The following CCNK variants were observed in gnomAD, a reference collection of about 807,000 sequenced individuals.
CCNK encodes cyclin-K.
CCNK carries 9 observed loss-of-function variants against 65.0 expected under a neutral mutation model. The observed-to-expected ratio is 0.14, with a 90% CI of 0.08 to 0.24. The LOEUF (loss-of-function observed/expected upper bound fraction) is 0.24. CCNK is among the 10% of genes least tolerant of loss of function. CCNK has a pLI of 1.00. For missense variants in CCNK, 474 were observed against 720.0 expected, an observed-to-expected ratio of 0.66 and a Z score of 3.91; for synonymous variants, 279 against 270.8, an observed-to-expected ratio of 1.03 and a Z score of -0.30.
At chr14:99,493,818 G>A (rs1023695038) in intron 3 of CCNK, among the ~76,000 whole-genome samples, 1 of 151,942 alleles carries the variant, frequency 6.6e-6, no homozygotes, top group Non-Finnish European at 1.5e-5. Context: ...GTCATATTGC[G>A]CTTTGTATGA....
rs960376783 is a variant in CCNK, at chr14:99,493,082, G to T, written c.197+208G>T. 9.3e-6 allele frequency: 5 copies of T among 538,494 alleles called. No homozygotes were observed. In the African/African-American group the frequency reaches 9.8e-5, roughly 11 times the overall value. The allele number at this position is 538,494 out of a possible 1,614,324, so 33.4% of individuals were successfully genotyped here. A position where few individuals can be genotyped will look rare whatever the true frequency, so the allele number is the denominator to read the frequency against. The stretch of plus-strand genomic sequence containing the variant: ...GACTTAGCCACTGAGGAGGTGGCCA[G>T]CCAGGAGGATATGAGGCACCCATTA... On this transcript the variant is annotated intron_variant, in intron 2 of 10. Transcript: ENST00000389879.
intron 9 of CCNK, chr14:99,506,823 G>T (rs1896987460): frequency 2.2e-6 from 1 of 464,644 alleles, no homozygotes; most frequent in Non-Finnish European, 4.0e-6. Context: ...GGTCAGCAAG[G>T]AAACTTAGGT....
chr14:99,492,865 G>T lies in CCNK; in HGVS notation c.188G>T (p.Arg63Leu). The T allele has an allele frequency of 6.3e-7, 1 of 1,592,232 alleles. No homozygotes were observed. Among genetic ancestry groups the T allele is most frequent in the Non-Finnish European group, 8.5e-7 (1 of 1,174,234 alleles). Reference protein sequence around the residue: ...GARFIFDVGTRLGLHYDTLAT... With the variant: ...GARFIFDVGTLLGLHYDTLAT... Reference sequence around the variant, plus strand: ...CGGTTCATCTTTGATGTGGGCACACGTTTGGGGCTGTATCCTGACTCTCCT... The same window carrying T: ...CGGTTCATCTTTGATGTGGGCACACTTTTGGGGCTGTATCCTGACTCTCCT... The change falls in exon 2 of 11, where the codon CGT becomes CTT. Residue 63 changes from arginine to leucine, a missense_variant. Around this residue, in one of 6 missense-constraint regions of CCNK, gnomAD observed 87 missense variants for 166.2 expected, o/e 0.52. Transcript: ENST00000389879.
intron 2 of CCNK, chr14:99,493,125 G>C (rs1896629183): frequency 2.1e-6 from 1 of 484,422 alleles, no homozygotes; most frequent in Non-Finnish European, 3.6e-6. Flanking sequence ...AGTTGAGGCT[G>C]GGCACAGTGG....
At chr14:99,487,510 C>T (rs1422600378) in intron 1 of CCNK, among the ~76,000 whole-genome samples, 1 of 152,216 alleles carries the variant, frequency 6.6e-6, no homozygotes, top group Non-Finnish European at 1.5e-5. Context: ...AACCACTGCT[C>T]TGCGGCAGTG....
intron 1 of CCNK, among the ~76,000 whole-genome samples, chr14:99,484,893 G>C (rs1033919775): frequency 1.3e-5 from 2 of 152,200 alleles, no homozygotes; most frequent in African/African-American, 4.8e-5. Context: ...TATTTATGAA[G>C]CACATTCCTG....
intron 9 of CCNK, chr14:99,503,965 GCAGCAGGAGTCCTCTCCCAAGCAC>G: frequency 2.8e-6 from 1 of 362,736 alleles, no homozygotes; most frequent in South Asian, 2.4e-5. Flanking sequence ...CCCCATCACA[GCAGCAGGAGTCCTCTCCCAAGCAC>G]CAAGCCACAG....
chr14:99,503,874 T>C, intron 9 of CCNK: 1 of 548,564 alleles, frequency 1.8e-6, no homozygotes. Flanking sequence ...GCAATAAAAA[T>C]GTACTCAGTA....
intron 4 of CCNK, among the ~76,000 whole-genome samples, chr14:99,499,759 T>A (rs1008420462): frequency 2.0e-5 from 3 of 152,186 alleles, no homozygotes; most frequent in Non-Finnish European, 4.4e-5. Flanking sequence ...AGGTTAAACC[T>A]TGTGGAAACC....
intron 4 of CCNK, among the ~76,000 whole-genome samples, chr14:99,495,948 TACAACTCCAGCTAGCTTCTGGGTCAA>T (rs1185303348): frequency 2.3e-4 from 35 of 152,332 alleles, no homozygotes; most frequent in Non-Finnish European, 4.3e-4. Context: ...ATGGCAGGGT[TACAACTCCAGCTAGCTTCTGGGTCAA>T]ACAAAAGTAT....
intron 4 of CCNK, among the ~76,000 whole-genome samples, chr14:99,496,709 CAAAA>C (rs922555019): frequency 2.1e-5 from 3 of 145,214 alleles, no homozygotes; most frequent in African/African-American, 7.6e-5. Context: ...AACTCCATCT[CAAAA>C]AAAAATAAAT....
At chr14:99,487,491 A>G (rs1896514615) in intron 1 of CCNK, among the ~76,000 whole-genome samples, 1 of 152,242 alleles carries the variant, frequency 6.6e-6, no homozygotes, top group Non-Finnish European at 1.5e-5. Flanking sequence ...AAATTGTCCC[A>G]GGTTTAAAAA....
At chr14:99,503,005 C>G (rs1302871495) in intron 8 of CCNK, 21 bp downstream of exon 8, 1 of 1,613,694 alleles carries the variant, frequency 6.2e-7, no homozygotes, top group Admixed American at 1.7e-5. Flanking sequence ...TAAAGCAGGC[C>G]CTGGGTAGAG....
intron 10 of CCNK, chr14:99,507,402 C>T (rs1385134445): frequency 2.1e-6 from 1 of 471,722 alleles, no homozygotes; most frequent in Non-Finnish European, 3.9e-6. Context: ...CAAAGTGAGA[C>T]CCTGTCTAAA....
rs139626777 is a variant in CCNK at position 99,491,514 on chromosome 14, G to A, written c.-52-1112G>A. On this transcript the variant is annotated intron_variant, in intron 1 of 10. Coordinates refer to ENST00000389879, the MANE Select transcript of CCNK (RefSeq NM_001099402.2). ...AGGTTTTAATTAACTGGTCTCCCCC[G>A]CCCTTTGAACAGTGCCCAATTTAAT... is the stretch of plus-strand genomic sequence containing the variant. 2.7e-3 allele frequency among the ~76,000 whole-genome samples: 417 copies of A among 152,234 alleles called. 1 individual carries two copies. The highest frequency in any genetic ancestry group is 9.4e-3 in the African/African-American group (389 of 41,530).
At chr14:99,485,876 A>G (rs1896472610) in intron 1 of CCNK, among the ~76,000 whole-genome samples, 1 of 152,208 alleles carries the variant, frequency 6.6e-6, no homozygotes, top group Admixed American at 6.5e-5. Context: ...TGAATAAAAA[A>G]GAATAACCTA....
chr14:99,503,284 C>T (rs1896886867), intron 8 of CCNK: 1 of 619,302 alleles, frequency 1.6e-6, no homozygotes, highest in African/African-American at 1.8e-5. Context: ...TGTCGTTGTG[C>T]ATGCTGCTTC....
In CCNK at chr14:99,493,440, T is replaced by G. The variant is rs185037257; in HGVS notation, c.198-74T>G. 91 of 888,384 alleles carry G rather than the reference T, an allele frequency of 1.0e-4. No homozygotes were observed. The African/African-American group carries it at 1.4e-3, about 13-fold the overall frequency. The allele number at this position is 888,384 out of a possible 1,614,324, so 55.0% of individuals were successfully genotyped here. A position where few individuals can be genotyped will look rare whatever the true frequency, so the allele number is the denominator to read the frequency against. On this transcript the variant is annotated intron_variant, in intron 2 of 10. Coordinates refer to ENST00000389879, the MANE Select transcript of CCNK (RefSeq NM_001099402.2). ...TTGATTTTGTTGTTGTTGTTTGTCT[T>G]TTTGTTTTTCTACATTTAACTAAGA... is the stretch of plus-strand genomic sequence containing the variant.
chr14:99,506,729 C>G (rs1473428829), intron 9 of CCNK: 1 of 312,332 alleles, frequency 3.2e-6, no homozygotes, highest in Non-Finnish European at 6.2e-6. Flanking sequence ...TCCTCTGTAC[C>G]AGGGAGGACT....
Sources: allele counts gnomAD v4.1 joint callset (sites outside exome capture counted in the v4.1 genomes callset), GRCh38; gene constraint gnomAD v4.1.1; regional missense constraint gnomAD v4.1.1; transcripts MANE v1.5; gene names NCBI Gene and HGNC (gene_info 2026-07-23, HGNC 2026-07-21).